The following TUSC3 variants were observed in gnomAD, a reference collection of about 807,000 sequenced individuals.
TUSC3 encodes tumor suppressor candidate 3.
Under a neutral mutation model 44.8 loss-of-function variants are expected in TUSC3, and 45 were observed. That is an observed-to-expected ratio of 1.00 (90% CI 0.79 to 1.29). The LOEUF (loss-of-function observed/expected upper bound fraction) is 1.29, where lower values mean the gene tolerates loss of function less well. TUSC3 is among the 50% of genes most tolerant of loss of function. TUSC3 has a pLI of 0.00. For missense variants in TUSC3, 519 were observed against 437.9 expected (o/e 1.19, Z -1.65); for synonymous variants, 212 against 152.9 (o/e 1.39, Z -2.85).
At chr8:15,736,069 A>C (rs1028878888) in intron 7 of TUSC3, among the ~76,000 whole-genome samples, 1 of 152,076 alleles carries the variant, frequency 6.6e-6, no homozygotes, top group African/African-American at 2.4e-5. Flanking sequence ...TACAGAAGAC[A>C]ATATCCTCTA....
intron 2 of TUSC3, among the ~76,000 whole-genome samples, chr8:15,526,247 G>A (rs1307178393): frequency 1.3e-5 from 2 of 151,932 alleles, no homozygotes; most frequent in African/African-American, 4.8e-5. Context: ...GTTAGCCAGG[G>A]TGGTCTCGAT....
rs1462879608 is a variant in TUSC3 at position 15,512,862 on chromosome 8, ATATGTGTGTG to A, written n.189+29383_189+29392del. ...TATATATTTGTGTGTGTGTGTATAT[ATATGTGTGTG>A]TATATATATATATACACACAATTCT... is the stretch of plus-strand genomic sequence containing the variant. On this transcript the variant is annotated intron_variant and non_coding_transcript_variant, in intron 2 of 5. Transcript: ENST00000503191. Among the ~76,000 whole-genome samples, 632 of 99,828 alleles carry A rather than the reference ATATGTGTGTG, an allele frequency of 6.3e-3. 8 individuals are homozygous for A. Among genetic ancestry groups the A allele is most frequent in the African/African-American group, 0.029 (564 of 19,370 alleles). The allele number at this position is 99,828 out of a possible 152,430, so 65.5% of individuals were successfully genotyped here.
the TUSC3 span, among the ~76,000 whole-genome samples, chr8:15,783,598 A>C: frequency 6.6e-6 from 1 of 152,252 alleles, no homozygotes; most frequent in Non-Finnish European, 1.5e-5. Context: ...GATTTTTGAC[A>C]AAAGTGTCAA....
intron 1 of TUSC3, among the ~76,000 whole-genome samples, chr8:15,544,301 A>C: frequency 6.8e-6 from 1 of 146,334 alleles, no homozygotes; most frequent in Non-Finnish European, 1.5e-5. Context: ...GAATTGTTTT[A>C]ATTTATAATG....
chr8:15,452,052 C>G (rs1800202115), intron 1 of TUSC3, among the ~76,000 whole-genome samples: 1 of 152,170 alleles, frequency 6.6e-6, no homozygotes, highest in Non-Finnish European at 1.5e-5. Context: ...TCAGCACCAT[C>G]CCCACTGCCT....
intron 6 of TUSC3, among the ~76,000 whole-genome samples, chr8:15,685,560 C>T (rs1050078408): frequency 6.6e-6 from 1 of 152,118 alleles, no homozygotes; most frequent in Non-Finnish European, 1.5e-5. Flanking sequence ...GCTCTGTCAA[C>T]AGGGCCTGTG....
In TUSC3 at chr8:15,617,138, A is replaced by G. The variant is rs76456734; in HGVS notation, c.139-5942A>G. 9.6e-3 allele frequency among the ~76,000 whole-genome samples: 854 copies of G among 88,818 alleles called. 35 individuals are homozygous for G. Among genetic ancestry groups the G allele is most frequent in the African/African-American group, 0.037 (775 of 21,054 alleles). The allele number at this position is 88,818 out of a possible 152,430, so 58.3% of individuals were successfully genotyped here. On this transcript the variant is annotated intron_variant, in intron 1 of 10. Coordinates refer to ENST00000503731, the MANE Select transcript of TUSC3 (RefSeq NM_006765.4). The stretch of plus-strand genomic sequence containing the variant: ...CTGTAAAATGTGTGTGTGTGTATAT[A>G]TTTTTTTTTTTTTTTTTTTGAGACA...
chr8:15,820,412 A>G, the TUSC3 span, among the ~76,000 whole-genome samples: 78 of 151,206 alleles, frequency 5.2e-4, no homozygotes, highest in South Asian at 0.016. Flanking sequence ...ACCAGGTTCA[A>G]GCGATCAAGC....
intron 2 of TUSC3, among the ~76,000 whole-genome samples, chr8:15,491,088 C>G (rs138287231): frequency 2.3e-4 from 35 of 152,292 alleles, no homozygotes; most frequent in African/African-American, 7.9e-4. Flanking sequence ...GGAATAGTCA[C>G]AGATGCATTT....
chr8:15,631,128 C>CT (rs879840072), intron 2 of TUSC3, among the ~76,000 whole-genome samples: 5 of 152,104 alleles, frequency 3.3e-5, no homozygotes, highest in Non-Finnish European at 7.4e-5. Flanking sequence ...TTTACATGTT[C>CT]TTTTTCTGGT....
rs1035554556 is a variant in TUSC3 at position 15,456,766 on chromosome 8, T to C, written n.92-26620T>C. ...TTGGATGGATTAGATTAAGACAAAT[T>C]CAAACAGAGAAGGAGAAGAGGAGGA... On this transcript the variant is annotated intron_variant and non_coding_transcript_variant, in intron 1 of 5. Transcript: ENST00000503191. 1.4e-4 allele frequency among the ~76,000 whole-genome samples: 22 copies of C among 152,092 alleles called. 1 individual carries two copies. Among genetic ancestry groups the C allele is most frequent in the African/African-American group, 5.1e-4 (21 of 41,506 alleles).
At chr8:15,630,560 G>A (rs1045876110) in intron 2 of TUSC3, among the ~76,000 whole-genome samples, 2 of 152,092 alleles carry the variant, frequency 1.3e-5, no homozygotes, top group African/African-American at 4.8e-5. Context: ...TTTTTTCAAA[G>A]TCACACAGCT....
At chr8:15,608,752 C>T (rs991536540) in intron 1 of TUSC3, among the ~76,000 whole-genome samples, 1 of 152,166 alleles carries the variant, frequency 6.6e-6, no homozygotes, top group Non-Finnish European at 1.5e-5. Context: ...CTTCCCCTTC[C>T]ACCATGATTG....
In TUSC3 at chr8:15,763,214, C is replaced by T. The variant is rs1812225081; in HGVS notation, c.*47-989C>T. On this transcript the variant is annotated intron_variant, in intron 10 of 10. Coordinates refer to ENST00000503731, the MANE Select transcript of TUSC3 (RefSeq NM_006765.4). ...TCTTGCACATAGTATCACCAGAATC[C>T]TAAAATATTAGCACGAAAAGAACTT... 1.3e-5 allele frequency among the ~76,000 whole-genome samples: 2 copies of T among 151,694 alleles called. 1 individual carries two copies. The highest frequency in any genetic ancestry group is 4.2e-4 in the South Asian group (2 of 4,818).
chr8:15,796,397 C>G, the TUSC3 span, among the ~76,000 whole-genome samples: 3 of 152,258 alleles, frequency 2.0e-5, no homozygotes, highest in African/African-American at 4.8e-5. Flanking sequence ...AGTGGCATGC[C>G]AAACACCTAG....
upstream of TUSC3, among the ~76,000 whole-genome samples, chr8:15,535,426 C>G (rs77394227): frequency 5.7e-4 from 87 of 152,288 alleles, no homozygotes; most frequent in Middle Eastern, 0.01. Context: ...GATTCATCTA[C>G]TCATTCAACA....
At chr8:15,806,267 G>C in the TUSC3 span, 1 of 614,728 alleles carries the variant, frequency 1.6e-6, no homozygotes, top group Non-Finnish European at 3.1e-6. Context: ...GTGGCAGTCT[G>C]GGGATGTTCT....
chr8:15,586,730 C>T (rs1237432904), intron 1 of TUSC3, among the ~76,000 whole-genome samples: 1 of 152,082 alleles, frequency 6.6e-6, no homozygotes, highest in Non-Finnish European at 1.5e-5. Context: ...GCTGAGCATA[C>T]CTATTGTGTG....
chr8:15,481,731 T>G (rs1800663973), intron 1 of TUSC3, among the ~76,000 whole-genome samples: 1 of 152,086 alleles, frequency 6.6e-6, no homozygotes, highest in South Asian at 2.1e-4. Flanking sequence ...TTAAAACACT[T>G]TATTACTAAA....
Sources: gnomAD v4.1 joint callset for allele counts (sites outside exome capture counted in the v4.1 genomes callset) on GRCh38, gnomAD v4.1.1 for gene constraint, MANE v1.5 for transcripts, NCBI Gene and HGNC (gene_info 2026-07-23, HGNC 2026-07-21) for gene names.